PCDH9: variants seen among roughly 807,000 people sequenced by gnomAD.
PCDH9 encodes protocadherin 9.
Under a neutral mutation model 70.6 loss-of-function variants are expected in PCDH9, and 24 were observed. The ratio of observed to expected loss-of-function variants is 0.34; its 90% CI spans 0.25 to 0.48. PCDH9 has a LOEUF of 0.48. Ranked by LOEUF, PCDH9 falls within the 20% of genes least tolerant of loss-of-function variation. The pLI, the probability that PCDH9 is intolerant of heterozygous loss-of-function variation, is 0.99. For synonymous variants in PCDH9, 562 were observed against 558.5 expected (o/e 1.01, Z -0.09); for missense variants, 1,281 against 1,503.6 (o/e 0.85, Z 2.45).
chr13:66,417,181 C>T (rs1260979006), intron 4 of PCDH9, among the ~76,000 whole-genome samples: 2 of 152,098 alleles, frequency 1.3e-5, no homozygotes, highest in South Asian at 2.1e-4. Context: ...CCCCCTTACC[C>T]ACTACCCATC....
intron 4 of PCDH9, among the ~76,000 whole-genome samples, chr13:66,308,683 G>T (rs1263619980): frequency 6.6e-6 from 1 of 152,056 alleles, no homozygotes; most frequent in Middle Eastern, 3.4e-3. Flanking sequence ...GCTCTCTGAG[G>T]ACTGGCTAAT....
At chr13:66,398,079 G>A (rs1447004722) in intron 4 of PCDH9, among the ~76,000 whole-genome samples, 1 of 151,948 alleles carries the variant, frequency 6.6e-6, no homozygotes, top group East Asian at 1.9e-4. Context: ...AAATTCCAAA[G>A]GGTTATATGA....
intron 2 of PCDH9, among the ~76,000 whole-genome samples, chr13:66,961,189 A>T (rs948987808): frequency 3.9e-5 from 6 of 152,178 alleles, no homozygotes; most frequent in African/African-American, 1.2e-4. Context: ...CCAATACTCC[A>T]CTGGTGTTTC....
intron 4 of PCDH9, among the ~76,000 whole-genome samples, chr13:66,574,103 C>T (rs2076777160): frequency 6.6e-6 from 1 of 152,196 alleles, no homozygotes; most frequent in Non-Finnish European, 1.5e-5. Context: ...AAGCTGCAAA[C>T]CATTACCAAA....
chr13:66,940,083 C>T (rs534841585), intron 2 of PCDH9, among the ~76,000 whole-genome samples: 1 of 152,112 alleles, frequency 6.6e-6, no homozygotes, highest in South Asian at 2.1e-4. Flanking sequence ...AAGGCAAAAA[C>T]GGGCAAGAAA....
In PCDH9 at chr13:66,357,491, A is replaced by G. The variant is rs150935062; in HGVS notation, c.3341-52463T>C. ...CCACAATGAATGAGACAATTTATCA[A>G]CTAATTTTTTTTTGTCATTCGAACT... On this transcript the variant is annotated intron_variant, in intron 4 of 4. Coordinates refer to ENST00000377865, the MANE Select transcript of PCDH9 (RefSeq NM_203487.3). 1.4e-3 allele frequency among the ~76,000 whole-genome samples: 216 copies of G among 152,146 alleles called. 2 individuals carry two copies. The East Asian group carries it at 0.034, about 24-fold the overall frequency.
At chr13:66,609,954 CTTTT>C (rs11333407) in intron 4 of PCDH9, among the ~76,000 whole-genome samples, 1 of 117,134 alleles carries the variant, frequency 8.5e-6, no homozygotes, top group Non-Finnish European at 1.8e-5. Flanking sequence ...GCATTTCCTT[CTTTT>C]TTTTTTTTTT....
At chr13:66,757,282 A>G (rs547370811) in intron 3 of PCDH9, among the ~76,000 whole-genome samples, 10 of 152,216 alleles carry the variant, frequency 6.6e-5, no homozygotes, top group Non-Finnish European at 1.5e-4. Flanking sequence ...AATGACAGCC[A>G]TTCATTAACC....
At chr13:66,922,724 A>C (rs2082656950) in intron 2 of PCDH9, among the ~76,000 whole-genome samples, 1 of 151,408 alleles carries the variant, frequency 6.6e-6, no homozygotes, top group African/African-American at 2.4e-5. Flanking sequence ...GATAACTCTA[A>C]TTTGCTGCTA....
chr13:66,698,971 A>C (rs1212418210), intron 3 of PCDH9, among the ~76,000 whole-genome samples: 1 of 137,478 alleles, frequency 7.3e-6, no homozygotes, highest in African/African-American at 2.7e-5. Flanking sequence ...CTGGAGTGCA[A>C]TGGTGCAATC....
At chr13:66,995,295 T>C (rs1236500741) in intron 2 of PCDH9, among the ~76,000 whole-genome samples, 2 of 152,008 alleles carry the variant, frequency 1.3e-5, no homozygotes, top group Non-Finnish European at 2.9e-5. Flanking sequence ...ACACGGTAAA[T>C]ACAAAAGGCA....
intron 4 of PCDH9, among the ~76,000 whole-genome samples, chr13:66,357,506 T>G (rs1303715764): frequency 6.6e-6 from 1 of 152,036 alleles, no homozygotes; most frequent in Non-Finnish European, 1.5e-5. Flanking sequence ...TTTTTTTTTG[T>G]CATTCGAACT....
At chr13:66,622,538 T>G (rs558946259) in intron 4 of PCDH9, among the ~76,000 whole-genome samples, 1 of 151,978 alleles carries the variant, frequency 6.6e-6, no homozygotes, top group Non-Finnish European at 1.5e-5. Flanking sequence ...TAGCTCAGGG[T>G]TTGTGAATGC....
At chr13:66,478,945 A>G (rs1182036868) in intron 4 of PCDH9, among the ~76,000 whole-genome samples, 2 of 152,218 alleles carry the variant, frequency 1.3e-5, no homozygotes, top group African/African-American at 4.8e-5. Flanking sequence ...TAGAACTTGT[A>G]TAGTTAGAAA....
intron 4 of PCDH9, among the ~76,000 whole-genome samples, chr13:66,385,569 C>T (rs574670123): frequency 6.6e-5 from 10 of 151,958 alleles, no homozygotes; most frequent in Non-Finnish European, 1.5e-4. Context: ...AATAAGGTGT[C>T]GATGGATGTA....
intron 3 of PCDH9, among the ~76,000 whole-genome samples, chr13:66,797,372 T>A (rs574022206): frequency 6.6e-6 from 1 of 152,276 alleles, no homozygotes; most frequent in South Asian, 2.1e-4. Flanking sequence ...TCTAAATATA[T>A]GTAGGATTCC....
At chr13:66,810,957 A>G (rs2080493923) in intron 3 of PCDH9, among the ~76,000 whole-genome samples, 2 of 152,082 alleles carry the variant, frequency 1.3e-5, no homozygotes, top group Non-Finnish European at 2.9e-5. Context: ...TGATTATTTC[A>G]TGATATTCAT....
chr13:66,905,403 T>G (rs1259235877), intron 2 of PCDH9, among the ~76,000 whole-genome samples: 3 of 152,124 alleles, frequency 2.0e-5, no homozygotes, highest in Admixed American at 6.6e-5. Flanking sequence ...TATATTAGAA[T>G]CACCTGGGGA....
intron 3 of PCDH9, among the ~76,000 whole-genome samples, chr13:66,839,424 T>A (rs1252040678): frequency 6.6e-6 from 1 of 152,220 alleles, no homozygotes; most frequent in Non-Finnish European, 1.5e-5. Context: ...AGGCTACAGA[T>A]ACCTAGGTCA....
Sources: allele counts gnomAD v4.1 joint callset (sites outside exome capture counted in the v4.1 genomes callset), GRCh38; gene constraint gnomAD v4.1.1; transcripts MANE v1.5; gene names NCBI Gene and HGNC (gene_info 2026-07-23, HGNC 2026-07-21).